EPM2A: variants seen among roughly 807,000 people sequenced by gnomAD.
The protein encoded by EPM2A is laforin.
EPM2A carries 21 observed loss-of-function variants against 26.5 expected under a neutral mutation model. The observed-to-expected ratio is 0.79, with a 90% CI of 0.56 to 1.14. The LOEUF is 1.14. EPM2A is among the 50% of genes most tolerant of loss of function. The probability of loss-of-function intolerance (pLI) is 0.00; values close to 1 mark genes in which losing one functional copy is unlikely to be tolerated. For missense variants in EPM2A, 458 were observed against 440.8 expected, an observed-to-expected ratio of 1.04 and a Z score of -0.35; for synonymous variants, 217 against 177.6, an observed-to-expected ratio of 1.22 and a Z score of -1.76.
intron 4 of EPM2A, among the ~76,000 whole-genome samples, chr6:145,399,342 C>T (rs150444909): frequency 0.012 from 1,805 of 152,280 alleles, 14 homozygotes; most frequent in Non-Finnish European, 0.018. Context: ...ACTGCCTCAA[C>T]AGCCTACACA....
chr6:145,386,461 C>T (rs1198763716), intron 4 of EPM2A, among the ~76,000 whole-genome samples: 1 of 151,926 alleles, frequency 6.6e-6, no homozygotes. Context: ...TAAATAGTTC[C>T]AAGAGCTTTG....
At chr6:145,647,197 T>G (rs372769422) in intron 2 of EPM2A, among the ~76,000 whole-genome samples, 10 of 152,224 alleles carry the variant, frequency 6.6e-5, no homozygotes, top group African/African-American at 2.2e-4. Context: ...AAGTTCAATC[T>G]TTTGGCCTGA....
In EPM2A at chr6:145,569,602, C is replaced by G. The variant is rs138711175; in HGVS notation, c.340+65643G>C. ...CATCTAAATGCATTGTTTAAAAGCCCCCTTTGATTTATATAGTCCCTGCCT... is the reference window on the plus strand; with the variant it reads ...CATCTAAATGCATTGTTTAAAAGCCGCCTTTGATTTATATAGTCCCTGCCT... On this transcript the variant is annotated intron_variant, in intron 2 of 3. Transcript: ENST00000450221. Among the ~76,000 whole-genome samples the G allele has an allele frequency of 2.5e-3, 374 of 152,222 alleles. 4 individuals are homozygous for G. Among genetic ancestry groups the G allele is most frequent in the African/African-American group, 8.5e-3 (351 of 41,530 alleles).
At position 145,627,137 on chromosome 6, in the gene EPM2A, G is replaced by A; in HGVS notation, c.*279C>T. 4 of 1,344,776 alleles carry A rather than the reference G, an allele frequency of 3.0e-6. No homozygotes were observed. The highest frequency in any genetic ancestry group is 3.8e-6 in the Non-Finnish European group (4 of 1,043,354). The allele number at this position is 1,344,776 out of a possible 1,614,324, so 83.3% of individuals were successfully genotyped here. ...AAAGCAAAGGCCTCGTCTGCCTGCA[G>A]GCAGCAGGAACTGCACGCATTACCC... On this transcript the variant is annotated 3_prime_UTR_variant, in exon 4 of 4. Transcript: ENST00000367519.
intron 2 of EPM2A, among the ~76,000 whole-genome samples, chr6:145,612,397 G>A (rs547998689): frequency 3.4e-4 from 52 of 152,172 alleles, no homozygotes; most frequent in African/African-American, 1.2e-3. Flanking sequence ...AGTTGCTGGT[G>A]GGAAGAAGAA....
downstream of EPM2A, among the ~76,000 whole-genome samples, chr6:145,496,799 A>G (rs4896813): frequency 1 from 145,299 of 145,558 alleles, 72,521 homozygotes; most frequent in Middle Eastern, 1. Context: ...CTGCAGTGGC[A>G]CAATCTCGGC....
intron 1 of EPM2A, among the ~76,000 whole-genome samples, chr6:145,733,449 C>T (rs1445041599): frequency 6.6e-6 from 1 of 151,948 alleles, no homozygotes; most frequent in African/African-American, 2.4e-5. Flanking sequence ...TTATATATAA[C>T]TTATATGGTA....
intron 2 of EPM2A, among the ~76,000 whole-genome samples, chr6:145,618,461 C>A (rs1562404877): frequency 6.6e-6 from 1 of 152,114 alleles, no homozygotes; most frequent in Non-Finnish European, 1.5e-5. Context: ...ATTGTAGTTC[C>A]CATAATCCCC....
intron 1 of EPM2A, chr6:145,721,749 C>A (rs1457188430): frequency 6.6e-6 from 1 of 152,186 alleles, no homozygotes; most frequent in Admixed American, 6.5e-5. Flanking sequence ...ATTATTTTTA[C>A]ACAAATAAAA....
intron 2 of EPM2A, among the ~76,000 whole-genome samples, chr6:145,544,744 C>T (rs1267814291): frequency 6.6e-6 from 1 of 152,090 alleles, no homozygotes; most frequent in African/African-American, 2.4e-5. Context: ...TCAGATCAGC[C>T]CACCGGCAAC....
At chr6:145,690,062 T>G (rs1000618505) in intron 1 of EPM2A, among the ~76,000 whole-genome samples, 1 of 152,086 alleles carries the variant, frequency 6.6e-6, no homozygotes, top group African/African-American at 2.4e-5. Context: ...GGAGGCCTAA[T>G]GGAGAGTTAG....
At chr6:145,529,211 A>T (rs1013166846) in intron 2 of EPM2A, among the ~76,000 whole-genome samples, 2 of 152,206 alleles carry the variant, frequency 1.3e-5, no homozygotes, top group African/African-American at 4.8e-5. Flanking sequence ...AGAATATTTT[A>T]TAAATTTAGT....
At chr6:145,441,278 A>G (rs1562335838) in intron 4 of EPM2A, among the ~76,000 whole-genome samples, 1 of 152,338 alleles carries the variant, frequency 6.6e-6, no homozygotes, top group South Asian at 2.1e-4. Flanking sequence ...CAGCTGGGAC[A>G]CAGGGCACCA....
At chr6:145,654,396 G>T (rs1172446710) in intron 2 of EPM2A, among the ~76,000 whole-genome samples, 2 of 152,072 alleles carry the variant, frequency 1.3e-5, no homozygotes, top group Non-Finnish European at 2.9e-5. Flanking sequence ...GGTCAGGCTG[G>T]TGTAATCATA....
chr6:145,699,865 A>G (rs1398867437), intron 1 of EPM2A, among the ~76,000 whole-genome samples: 1 of 152,210 alleles, frequency 6.6e-6, no homozygotes, highest in Non-Finnish European at 1.5e-5. Flanking sequence ...TCAAAATAGG[A>G]AGCATTTCAA....
chr6:145,428,381 T>C (rs1778879229), intron 4 of EPM2A, among the ~76,000 whole-genome samples: 1 of 152,118 alleles, frequency 6.6e-6, no homozygotes, highest in Admixed American at 6.5e-5. Flanking sequence ...GTCACTGCAC[T>C]GAGCACTTTT....
chr6:145,666,162 G>C (rs1386772965), intron 2 of EPM2A, among the ~76,000 whole-genome samples: 1 of 139,572 alleles, frequency 7.2e-6, no homozygotes, highest in East Asian at 2.4e-4. Flanking sequence ...GTTCTGGCCA[G>C]GGCAATCAGG....
chr6:145,641,007 T>C (rs1450073032), intron 2 of EPM2A: 1 of 152,238 alleles, frequency 6.6e-6, no homozygotes, highest in African/African-American at 2.4e-5. Context: ...ACACTATGTA[T>C]ATAGAGCACA....
chr6:145,402,454 C>G lies in EPM2A; in HGVS notation c.556-18357G>C, dbSNP rs1008970025. On this transcript the variant is annotated intron_variant, in intron 4 of 4. Transcript: ENST00000638717. ...CATTACTGTGCAGTGTCTGAGATGGCACCTACTTATACTACACAGATTAAG... is the reference window on the plus strand; with the variant it reads ...CATTACTGTGCAGTGTCTGAGATGGGACCTACTTATACTACACAGATTAAG... 5.9e-5 allele frequency among the ~76,000 whole-genome samples: 9 copies of G among 152,108 alleles called. No individual in the cohort carries two copies. The South Asian group carries it at 1.2e-3, about 21-fold the overall frequency.
Sources: gnomAD v4.1 joint callset for allele counts (sites outside exome capture counted in the v4.1 genomes callset) on GRCh38, gnomAD v4.1.1 for gene constraint, MANE v1.5 for transcripts, NCBI Gene and HGNC (gene_info 2026-07-23, HGNC 2026-07-21) for gene names.